SDK2: variants seen among roughly 807,000 people sequenced by gnomAD.
SDK2 encodes the protein sidekick cell adhesion molecule 2.
In SDK2, 105 loss-of-function variants were observed where a neutral mutation model predicts 253.9. The ratio of observed to expected loss-of-function variants is 0.41; its 90% confidence interval spans 0.35 to 0.49. The LOEUF is 0.49. Among genes scored for constraint, SDK2 ranks in the 20% least tolerant of loss-of-function variants. The pLI is 0.06. For missense variants in SDK2, 2,608 were observed against 3,003.0 expected, an observed-to-expected ratio of 0.87 and a Z score of 3.07; for synonymous variants, 1,249 against 1,234.9, an observed-to-expected ratio of 1.01 and a Z score of -0.24.
At chr17:73,355,174 A>ATATATATATATATATATATATATATATTT in intron 40 of SDK2, among the ~76,000 whole-genome samples, 76 of 47,116 alleles carry the variant, frequency 1.6e-3, no homozygotes, top group Non-Finnish European at 2.3e-3. Flanking sequence ...ATATATATAT[A>ATATATATATATATATATATATATATATTT]TTTTTTTTTT....
chr17:73,576,302 G>A (rs2045458164), intron 1 of SDK2, among the ~76,000 whole-genome samples: 1 of 152,170 alleles, frequency 6.6e-6, no homozygotes, highest in African/African-American at 2.4e-5. Context: ...CCCCAAGGAA[G>A]GGAAAGGCGT....
intron 3 of SDK2, among the ~76,000 whole-genome samples, chr17:73,460,283 C>A (rs2063554742): frequency 6.6e-6 from 1 of 152,186 alleles, no homozygotes; most frequent in African/African-American, 2.4e-5. Context: ...TGACAGCCAG[C>A]ACCAACGCTG....
intron 1 of SDK2, among the ~76,000 whole-genome samples, chr17:73,589,237 A>T (rs777120361): frequency 2.0e-5 from 3 of 152,276 alleles, no homozygotes; most frequent in Admixed American, 6.5e-5. Context: ...CACAGTGATG[A>T]ATGCACGTGA....
chr17:73,539,361 C>CG (rs1221820870), intron 1 of SDK2, among the ~76,000 whole-genome samples: 1 of 152,020 alleles, frequency 6.6e-6, no homozygotes. Flanking sequence ...CTGGGAGCGC[C>CG]GGGGCAGGGT....
intron 18 of SDK2, among the ~76,000 whole-genome samples, chr17:73,407,569 G>A (rs555949726): frequency 1.3e-5 from 2 of 152,266 alleles, no homozygotes; most frequent in African/African-American, 2.4e-5. Flanking sequence ...AAGACAATAA[G>A]GAATCAATTT....
At chr17:73,426,802 G>C (rs1052397327) in intron 12 of SDK2, among the ~76,000 whole-genome samples, 1 of 152,100 alleles carries the variant, frequency 6.6e-6, no homozygotes, top group Admixed American at 6.6e-5. Context: ...AATAGCCTAT[G>C]GGGGCCGGGC....
chr17:73,435,301 C>T lies in SDK2; in HGVS notation c.1195+149G>A, dbSNP rs1283035534. On this transcript the variant is annotated intron_variant, in intron 9 of 44. Coordinates refer to ENST00000392650, the MANE Select transcript of SDK2 (RefSeq NM_001144952.2). The surrounding 1 kb of genome is among the most constrained non-coding windows in gnomAD (Gnocchi z 5.7). The stretch of plus-strand genomic sequence containing the variant: ...GGCAGCAGCGGTAACTGGCTGTGCC[C>T]CCAGGCTGCTGGGCAGCAGGCGGCC... 14 of 728,726 alleles carry T rather than the reference C, an allele frequency of 1.9e-5. No individual in the cohort carries two copies. The highest frequency in any genetic ancestry group is 1.6e-4 in the Admixed American group (5 of 31,892). The allele number at this position is 728,726 out of a possible 1,614,324, so 45.1% of individuals were successfully genotyped here.
Position 73,401,697 on chromosome 17 carries a change from C to T in SDK2, c.2736G>A (p.Lys912=), listed in dbSNP as rs755899464. The change falls in exon 20 of 45, where the codon AAG becomes AAA. Residue 912 remains lysine, a synonymous_variant. Coordinates refer to ENST00000392650, the MANE Select transcript of SDK2 (RefSeq NM_001144952.2). ...SFSEILDTSL[K]VSWQEPGEKN... is the part of the protein sequence containing the mutation. The stretch of plus-strand genomic sequence containing the variant: ...TCTCTCCCGGCTCTTGCCAGCTGAC[C>T]TTCAGCGATGTGTCCAGGATCTCAC... 1 of 1,595,418 alleles carries T rather than the reference C, an allele frequency of 6.3e-7. No individual in the cohort carries two copies. The highest frequency in any genetic ancestry group is 1.1e-5 in the South Asian group (1 of 87,600).
intron 1 of SDK2, among the ~76,000 whole-genome samples, chr17:73,527,942 G>C (rs1210205124): frequency 2.0e-5 from 3 of 152,140 alleles, no homozygotes; most frequent in Non-Finnish European, 4.4e-5. Context: ...TTGTGGAGCT[G>C]TTTTGGAGGT....
chr17:73,401,841 G>C, intron 19 of SDK2, 89 bp from the exon 20 acceptor site: 1 of 1,412,672 alleles, frequency 7.1e-7, no homozygotes, highest in Non-Finnish European at 9.7e-7. Context: ...GTAATCTGGG[G>C]GTATCTCAGC....
intron 16 of SDK2, 74 bp downstream of exon 16, chr17:73,419,092 T>A: frequency 6.5e-7 from 1 of 1,528,582 alleles, no homozygotes. Flanking sequence ...TGCACTGTTT[T>A]CCAGTCCACT....
At chr17:73,610,148 TG>T (rs2045955584) in intron 1 of SDK2, among the ~76,000 whole-genome samples, 1 of 152,126 alleles carries the variant, frequency 6.6e-6, no homozygotes, top group Non-Finnish European at 1.5e-5. Context: ...TTGGACTCAT[TG>T]TTCTCCAGGG....
intron 1 of SDK2, among the ~76,000 whole-genome samples, chr17:73,568,629 G>A (rs927221825): frequency 1.3e-5 from 2 of 152,090 alleles, no homozygotes; most frequent in African/African-American, 4.8e-5. Context: ...TGGAGATGAA[G>A]GTCTAACATA....
chr17:73,616,240 G>T lies in SDK2; in HGVS notation c.64+27785C>A, dbSNP rs1360256685. 6.6e-6 allele frequency among the ~76,000 whole-genome samples: 1 copy of T among 152,096 alleles called. No individual in the cohort carries two copies. Among genetic ancestry groups the T allele is most frequent in the African/African-American group, 2.4e-5 (1 of 41,394 alleles). On this transcript the variant is annotated intron_variant, in intron 1 of 44. Coordinates refer to ENST00000392650, the MANE Select transcript of SDK2 (RefSeq NM_001144952.2). This position sits in a 1 kb window ranked among gnomAD's most constrained non-coding sequence, Gnocchi z 5.2. ...GGCACTGTGAACCTTGTGCTCGGCA[G>T]CCCCAGGCATCCCGGTGCTGCTTGC... is the stretch of plus-strand genomic sequence containing the variant.
intron 3 of SDK2, among the ~76,000 whole-genome samples, chr17:73,456,794 G>C (rs1046907247): frequency 2.0e-5 from 3 of 152,188 alleles, no homozygotes; most frequent in Non-Finnish European, 4.4e-5. Flanking sequence ...TCTTCAGCCA[G>C]CCTGCCGGCC....
At chr17:73,461,983 T>C (rs2063565540) in intron 3 of SDK2, among the ~76,000 whole-genome samples, 1 of 152,114 alleles carries the variant, frequency 6.6e-6, no homozygotes, top group Non-Finnish European at 1.5e-5. Flanking sequence ...CATATGCATG[T>C]ATGCATGTGT....
chr17:73,436,590 A>T (rs868685546), intron 8 of SDK2, among the ~76,000 whole-genome samples: 135 of 125,576 alleles, frequency 1.1e-3, no homozygotes, highest in Middle Eastern at 4.5e-3. Context: ...AAAAAAAAAA[A>T]AAAAAAAAAA....
chr17:73,589,506 C>T (rs1814692360), intron 1 of SDK2, among the ~76,000 whole-genome samples: 1 of 152,246 alleles, frequency 6.6e-6, no homozygotes. Flanking sequence ...CCACTTCCAG[C>T]AGCGTGAAGC....
chr17:73,428,102 T>C (rs773835965), intron 12 of SDK2, among the ~76,000 whole-genome samples: 4 of 152,224 alleles, frequency 2.6e-5, no homozygotes, highest in Non-Finnish European at 2.9e-5. Flanking sequence ...CTGTACATCA[T>C]ATGTCATTAG....
Sources: allele counts gnomAD v4.1 joint callset (sites outside exome capture counted in the v4.1 genomes callset), GRCh38; gene constraint gnomAD v4.1.1; non-coding constraint Gnocchi (gnomAD v3.1); transcripts MANE v1.5; gene names NCBI Gene and HGNC (gene_info 2026-07-23, HGNC 2026-07-21).